The following RASEF variants were observed in gnomAD, a reference collection of about 807,000 sequenced individuals.
RASEF encodes ras and EF-hand domain-containing protein.
In RASEF, 68 loss-of-function variants were observed where a neutral mutation model predicts 90.1. The observed-to-expected ratio is 0.75, with a 90% CI of 0.62 to 0.92. RASEF has a LOEUF of 0.92. RASEF is among the 40% of genes least tolerant of loss of function. RASEF has a pLI of 0.00. For missense variants in RASEF, 949 were observed against 937.2 expected, an observed-to-expected ratio of 1.01 and a Z score of -0.16; for synonymous variants, 331 against 345.2, an observed-to-expected ratio of 0.96 and a Z score of 0.46.
the RASEF span, among the ~76,000 whole-genome samples, chr9:83,111,539 T>C: frequency 2.0e-5 from 3 of 152,180 alleles, no homozygotes; most frequent in African/African-American, 7.2e-5. Context: ...GCGATGAACA[T>C]GTTTATGAGC....
chr9:83,196,764 T>C, the RASEF span, among the ~76,000 whole-genome samples: 1 of 152,214 alleles, frequency 6.6e-6, no homozygotes, highest in African/African-American at 2.4e-5. Context: ...TATTAATTAT[T>C]GACTCCCTAA....
chr9:83,110,382 A>T, the RASEF span, among the ~76,000 whole-genome samples: 9 of 152,132 alleles, frequency 5.9e-5, no homozygotes, highest in South Asian at 4.1e-4. Context: ...TTTATTTTTT[A>T]AAAAACCCCT....
At chr9:83,146,377 C>T in the RASEF span, among the ~76,000 whole-genome samples, 2 of 152,030 alleles carry the variant, frequency 1.3e-5, no homozygotes, top group South Asian at 2.1e-4. Context: ...TATGTTTCTC[C>T]GAATAAAAAA....
At chr9:83,194,716 C>T in the RASEF span, among the ~76,000 whole-genome samples, 1 of 152,184 alleles carries the variant, frequency 6.6e-6, no homozygotes, top group African/African-American at 2.4e-5. Flanking sequence ...CTCATTCAGT[C>T]ATTTGTATCA....
the RASEF span, among the ~76,000 whole-genome samples, chr9:83,214,871 C>T: frequency 1.3e-5 from 2 of 152,022 alleles, no homozygotes; most frequent in Middle Eastern, 3.4e-3. Context: ...GCAAAGGCCC[C>T]ACTCTCAAGC....
the RASEF span, among the ~76,000 whole-genome samples, chr9:83,129,229 A>T: frequency 2.0e-5 from 3 of 151,988 alleles, no homozygotes; most frequent in East Asian, 5.8e-4. Flanking sequence ...ACATGGTGAA[A>T]CCCTGTCTCT....
At chr9:83,123,508 T>A in the RASEF span, among the ~76,000 whole-genome samples, 2 of 152,088 alleles carry the variant, frequency 1.3e-5, no homozygotes, top group African/African-American at 4.8e-5. Flanking sequence ...TCCTCACTTC[T>A]CCTAATCTCA....
intron 1 of RASEF, chr9:83,048,249 G>A (rs1829968431): frequency 1.0e-6 from 1 of 985,260 alleles, no homozygotes; most frequent in Non-Finnish European, 1.2e-6. Context: ...GACTACAAAA[G>A]AAAGTTTTGG....
the RASEF span, among the ~76,000 whole-genome samples, chr9:83,190,109 G>C: frequency 6.6e-6 from 1 of 152,018 alleles, no homozygotes; most frequent in African/African-American, 2.4e-5. Flanking sequence ...AATCTCAGTG[G>C]CCTATACTTT....
chr9:83,197,040 A>G, the RASEF span, among the ~76,000 whole-genome samples: 1 of 152,250 alleles, frequency 6.6e-6, no homozygotes, highest in Non-Finnish European at 1.5e-5. Flanking sequence ...CCCATGGCAA[A>G]GGCCAAGACA....
chr9:83,088,189 A>G, the RASEF span, among the ~76,000 whole-genome samples: 10 of 152,190 alleles, frequency 6.6e-5, no homozygotes, highest in East Asian at 1.2e-3. Context: ...TATCCATTTG[A>G]GAAGAATGTG....
At chr9:83,014,194 T>A (rs1587495623) in intron 4 of RASEF, among the ~76,000 whole-genome samples, 1 of 152,306 alleles carries the variant, frequency 6.6e-6, no homozygotes, top group Non-Finnish European at 1.5e-5. Flanking sequence ...AAATTAGATA[T>A]AAGGTTCAAA....
the RASEF span, among the ~76,000 whole-genome samples, chr9:83,095,540 G>C: frequency 1.3e-5 from 2 of 150,534 alleles, no homozygotes; most frequent in Non-Finnish European, 3.0e-5. Flanking sequence ...AAATGAAGCA[G>C]AAATTGCTTA....
intron 1 of RASEF, among the ~76,000 whole-genome samples, chr9:83,057,066 GCA>G (rs1192691721): frequency 1.3e-5 from 2 of 152,164 alleles, no homozygotes; most frequent in Admixed American, 1.3e-4. Context: ...CCTAAGGCAT[GCA>G]CAGATTCACA....
At chr9:83,134,125 C>A in the RASEF span, among the ~76,000 whole-genome samples, 2 of 151,964 alleles carry the variant, frequency 1.3e-5, no homozygotes, top group African/African-American at 4.8e-5. Flanking sequence ...AGGTATACAC[C>A]AAATGTACCG....
the RASEF span, among the ~76,000 whole-genome samples, chr9:83,198,401 C>A: frequency 6.9e-6 from 1 of 144,686 alleles, no homozygotes; most frequent in South Asian, 2.3e-4. Context: ...CATAAGGAAA[C>A]CTCTTTCCTT....
chr9:83,144,136 C>T, the RASEF span, among the ~76,000 whole-genome samples: 1 of 151,538 alleles, frequency 6.6e-6, no homozygotes, highest in Non-Finnish European at 1.5e-5. Flanking sequence ...CAACAATAGA[C>T]ACTGTGGATT....
the RASEF span, among the ~76,000 whole-genome samples, chr9:83,177,156 A>T: frequency 6.6e-6 from 1 of 152,140 alleles, no homozygotes; most frequent in African/African-American, 2.4e-5. Context: ...AAGGGGAATA[A>T]ATGTGCATTC....
the RASEF span, among the ~76,000 whole-genome samples, chr9:83,146,216 G>A: frequency 1.6e-4 from 25 of 151,880 alleles, no homozygotes; most frequent in South Asian, 4.8e-3. Context: ...ACAATCACCA[G>A]CAATTCAGTT....
Sources: gnomAD v4.1 joint callset for allele counts (sites outside exome capture counted in the v4.1 genomes callset) on GRCh38, gnomAD v4.1.1 for gene constraint, MANE v1.5 for transcripts, NCBI Gene and HGNC (gene_info 2026-07-23, HGNC 2026-07-21) for gene names.